Variants in TRIO observed in about 807,000 individuals in gnomAD.
TRIO encodes the protein triple functional domain protein.
In TRIO, 58 loss-of-function variants were observed where a neutral mutation model predicts 351.9. The ratio of observed to expected loss-of-function variants is 0.16; its 90% CI spans 0.13 to 0.21. The LOEUF (loss-of-function observed/expected upper bound fraction) is 0.21. Among genes scored for constraint, TRIO ranks in the 10% least tolerant of loss-of-function variants. The probability of loss-of-function intolerance (pLI) is 1.00; values close to 1 mark genes in which losing one functional copy is unlikely to be tolerated. For missense variants in TRIO, 3,201 were observed against 4,027.8 expected (o/e 0.79, Z 5.56); for synonymous variants, 1,758 against 1,595.7 (o/e 1.10, Z -2.42).
At chr5:14,439,113 T>A (rs1751825034) in intron 34 of TRIO, among the ~76,000 whole-genome samples, 1 of 152,222 alleles carries the variant, frequency 6.6e-6, no homozygotes. Flanking sequence ...CCTCCTGGGT[T>A]CAAGCGATTC....
chr5:14,398,558 G>C (rs896460138), intron 29 of TRIO, among the ~76,000 whole-genome samples: 4 of 152,302 alleles, frequency 2.6e-5, no homozygotes, highest in Non-Finnish European at 5.9e-5. Context: ...TGCTGCAGGA[G>C]AGGGCTGAAG....
chr5:14,314,910 G>C (rs1269675521), intron 8 of TRIO, among the ~76,000 whole-genome samples: 1 of 152,146 alleles, frequency 6.6e-6, no homozygotes, highest in Non-Finnish European at 1.5e-5. Context: ...TATTATCTTT[G>C]GTTATGTCAG....
At chr5:14,455,731 T>G (rs1419391787) in intron 34 of TRIO, among the ~76,000 whole-genome samples, 1 of 152,250 alleles carries the variant, frequency 6.6e-6, no homozygotes, top group Non-Finnish European at 1.5e-5. Context: ...CCATGAACCC[T>G]GAGCTAGACA....
intron 5 of TRIO, among the ~76,000 whole-genome samples, chr5:14,292,421 T>A (rs1736991095): frequency 1.3e-5 from 2 of 151,954 alleles, no homozygotes; most frequent in South Asian, 2.1e-4. Flanking sequence ...AATGTCTTAA[T>A]TGACATCCTT....
intron 10 of TRIO, among the ~76,000 whole-genome samples, chr5:14,331,548 A>G (rs1273416708): frequency 6.6e-6 from 1 of 152,184 alleles, no homozygotes; most frequent in Non-Finnish European, 1.5e-5. Flanking sequence ...AATGTACTAA[A>G]TATAGATTTA....
chr5:14,207,656 G>A (rs887324802), intron 1 of TRIO, among the ~76,000 whole-genome samples: 1 of 151,980 alleles, frequency 6.6e-6, no homozygotes, highest in Admixed American at 6.6e-5. Context: ...ACAGTGAGCT[G>A]TGATCGTGCC....
At chr5:14,456,823 G>A (rs1753348518) in intron 34 of TRIO, among the ~76,000 whole-genome samples, 2 of 152,198 alleles carry the variant, frequency 1.3e-5, no homozygotes, top group Admixed American at 1.3e-4. Flanking sequence ...AGCTGATTTA[G>A]TGGGCAAAGT....
chr5:14,382,643 TTCC>T (rs1380651641), intron 21 of TRIO, among the ~76,000 whole-genome samples: 2 of 152,248 alleles, frequency 1.3e-5, no homozygotes, highest in Non-Finnish European at 2.9e-5. Context: ...ATCATGGCTT[TTCC>T]TCCTCCACAT....
intron 48 of TRIO, among the ~76,000 whole-genome samples, chr5:14,491,829 T>TG (rs1184479858): frequency 6.6e-6 from 1 of 152,152 alleles, no homozygotes; most frequent in African/African-American, 2.4e-5. Flanking sequence ...TCACAGCACC[T>TG]GGGGCGAGTG....
chr5:14,283,739 C>T (rs1348616010), intron 3 of TRIO, among the ~76,000 whole-genome samples: 1 of 151,900 alleles, frequency 6.6e-6, no homozygotes, highest in Admixed American at 6.6e-5. Context: ...TTGCTGGGGT[C>T]GCCCCTCCCT....
At chr5:14,480,946 C>T (rs183341792) in intron 43 of TRIO, among the ~76,000 whole-genome samples, 2 of 151,506 alleles carry the variant, frequency 1.3e-5, no homozygotes, top group South Asian at 4.2e-4. Context: ...CCAGCCTGGA[C>T]AACATAGTGA....
chr5:14,426,055 TCTTATCAC>T (rs1750612859), intron 34 of TRIO, among the ~76,000 whole-genome samples: 1 of 152,242 alleles, frequency 6.6e-6, no homozygotes, highest in South Asian at 2.1e-4. Flanking sequence ...CTACCGTTAC[TCTTATCAC>T]CTGATCACCT....
intron 1 of TRIO, among the ~76,000 whole-genome samples, chr5:14,202,975 C>A (rs1396228333): frequency 6.6e-6 from 1 of 151,728 alleles, no homozygotes; most frequent in Non-Finnish European, 1.5e-5. Context: ...TTTTAAGATC[C>A]ACTCAGTCAA....
intron 49 of TRIO, among the ~76,000 whole-genome samples, chr5:14,493,265 GGTT>G (rs1325915158): frequency 6.6e-6 from 1 of 152,118 alleles, no homozygotes; most frequent in Non-Finnish European, 1.5e-5. Flanking sequence ...GCACACCTCA[GGTT>G]GTTTTGTGCT....
intron 55 of TRIO, among the ~76,000 whole-genome samples, chr5:14,505,616 A>AT (rs1285654970): frequency 6.6e-6 from 1 of 152,030 alleles, no homozygotes; most frequent in African/African-American, 2.4e-5. Flanking sequence ...AGTTATTGTC[A>AT]TTTTTTTCTT....
chr5:14,328,234 A>G (rs1581628527), intron 9 of TRIO, among the ~76,000 whole-genome samples: 1 of 152,262 alleles, frequency 6.6e-6, no homozygotes, highest in Non-Finnish European at 1.5e-5. Flanking sequence ...TGTGCACTCA[A>G]TACGTTAAAA....
intron 1 of TRIO, among the ~76,000 whole-genome samples, chr5:14,155,194 G>T (rs1788037093): frequency 6.6e-6 from 1 of 152,148 alleles, no homozygotes; most frequent in Admixed American, 6.5e-5. Context: ...CAGATCCCCA[G>T]TTGTAAGTAT....
intron 1 of TRIO, among the ~76,000 whole-genome samples, chr5:14,218,902 C>A (rs1054675458): frequency 6.6e-6 from 1 of 152,220 alleles, no homozygotes; most frequent in East Asian, 1.9e-4. Context: ...ATCCCTGTGC[C>A]GCTGGCAGTG....
At chr5:14,423,241 G>A (rs576910201) in intron 34 of TRIO, among the ~76,000 whole-genome samples, 2 of 152,226 alleles carry the variant, frequency 1.3e-5, no homozygotes, top group African/African-American at 2.4e-5. Context: ...GCCTAGGCCT[G>A]GAGGCTGTGT....
Sources: allele counts gnomAD v4.1 joint callset (sites outside exome capture counted in the v4.1 genomes callset), GRCh38; gene constraint gnomAD v4.1.1; transcripts MANE v1.5; gene names NCBI Gene and HGNC (gene_info 2026-07-23, HGNC 2026-07-21).